The following MACROD2 variants were observed in gnomAD, a reference collection of about 807,000 sequenced individuals.
The protein encoded by MACROD2 is ADP-ribose glycohydrolase MACROD2.
A neutral mutation model predicts 70.4 loss-of-function variants in MACROD2; 36 were observed. That is an observed-to-expected ratio of 0.51 (90% CI 0.39 to 0.68). MACROD2 has a LOEUF of 0.68. Ranked by LOEUF, MACROD2 falls within the 30% of genes least tolerant of loss-of-function variation. MACROD2 has a pLI of 0.00. For missense variants in MACROD2, 496 were observed against 538.4 expected, an observed-to-expected ratio of 0.92 and a Z score of 0.78; for synonymous variants, 172 against 178.8, an observed-to-expected ratio of 0.96 and a Z score of 0.30.
chr20:15,798,981 A>G (rs781746866), intron 8 of MACROD2, among the ~76,000 whole-genome samples: 2 of 152,308 alleles, frequency 1.3e-5, no homozygotes, highest in South Asian at 2.1e-4. Context: ...AACCCGGGGT[A>G]TGTATCATCC....
At chr20:14,055,376 TAC>T (rs1225098943) in intron 2 of MACROD2, among the ~76,000 whole-genome samples, 2 of 152,062 alleles carry the variant, frequency 1.3e-5, no homozygotes, top group Non-Finnish European at 2.9e-5. Context: ...GTAAGCCTGT[TAC>T]AGTCTTTCTC....
intron 8 of MACROD2, among the ~76,000 whole-genome samples, chr20:15,654,746 C>T (rs1291834074): frequency 6.6e-6 from 1 of 152,140 alleles, no homozygotes; most frequent in Non-Finnish European, 1.5e-5. Flanking sequence ...TTTCTCTTGC[C>T]CTTTGGCAGC....
intron 8 of MACROD2, among the ~76,000 whole-genome samples, chr20:15,748,968 A>G (rs1425427852): frequency 6.6e-6 from 1 of 152,126 alleles, no homozygotes; most frequent in Non-Finnish European, 1.5e-5. Flanking sequence ...ACTCATCTAT[A>G]ATATAAGGAA....
chr20:14,061,834 A>G (rs2053694338), intron 2 of MACROD2, among the ~76,000 whole-genome samples: 1 of 152,106 alleles, frequency 6.6e-6, no homozygotes, highest in South Asian at 2.1e-4. Flanking sequence ...ATAGTTTACA[A>G]AAGTCTGTTG....
At chr20:15,438,681 C>A (rs1287993955) in intron 7 of MACROD2, among the ~76,000 whole-genome samples, 1 of 152,142 alleles carries the variant, frequency 6.6e-6, no homozygotes, top group Non-Finnish European at 1.5e-5. Context: ...CATGTTGCTC[C>A]ATAGATTGCT....
chr20:15,704,433 C>A (rs532883206), intron 8 of MACROD2, among the ~76,000 whole-genome samples: 3 of 152,176 alleles, frequency 2.0e-5, no homozygotes, highest in East Asian at 1.9e-4. Flanking sequence ...TGAAAAAAAA[C>A]CCTCCGTTAG....
At chr20:14,533,297 C>T (rs1025075434) in intron 4 of MACROD2, among the ~76,000 whole-genome samples, 2 of 152,184 alleles carry the variant, frequency 1.3e-5, no homozygotes, top group Admixed American at 6.5e-5. Flanking sequence ...GGGAGTTTCT[C>T]CTGTTTTGTA....
intron 5 of MACROD2, among the ~76,000 whole-genome samples, chr20:14,862,535 A>G (rs866941303): frequency 4.3e-5 from 1 of 23,180 alleles, no homozygotes; most frequent in Admixed American, 9.2e-4. Context: ...AAATATATAT[A>G]AATATATAAA....
At chr20:15,954,973 G>T (rs1046014646) in intron 12 of MACROD2, among the ~76,000 whole-genome samples, 3 of 152,140 alleles carry the variant, frequency 2.0e-5, no homozygotes, top group Admixed American at 2.0e-4. Context: ...TAACTAGGTT[G>T]CAGGGCAGCA....
At position 14,843,426 on chromosome 20, in the gene MACROD2, A is replaced by G. The variant is rs1215335382; in HGVS notation, c.418+158467A>G. On this transcript the variant is annotated intron_variant, in intron 5 of 17. Transcript: ENST00000684519. ...ATATCTTGGGATATGCTCAAAATAC[A>G]TTTTACTAAGAGAATGCATACATGT... 5.9e-5 allele frequency among the ~76,000 whole-genome samples: 9 copies of G among 151,934 alleles called. No homozygotes were observed. In the South Asian group the frequency reaches 1.0e-3, roughly 18 times the overall value.
intron 15 of MACROD2, among the ~76,000 whole-genome samples, chr20:16,003,781 C>T (rs1196441019): frequency 6.6e-6 from 1 of 152,172 alleles, no homozygotes; most frequent in African/African-American, 2.4e-5. Flanking sequence ...AGCGATTCTC[C>T]TGCCTCAGCC....
At chr20:14,743,909 A>T (rs1361257241) in intron 5 of MACROD2, among the ~76,000 whole-genome samples, 1 of 152,150 alleles carries the variant, frequency 6.6e-6, no homozygotes, top group Non-Finnish European at 1.5e-5. Flanking sequence ...AGAGGGTGAT[A>T]AGCTGATGGG....
At chr20:14,515,465 G>GCGCACGCA (rs1369248292) in intron 4 of MACROD2, among the ~76,000 whole-genome samples, 2,339 of 127,092 alleles carry the variant, frequency 0.018, 65 homozygotes, top group African/African-American at 0.07. Flanking sequence ...ACACACACAC[G>GCGCACGCA]CACACACACA....
chr20:15,874,991 T>A (rs1250419957), intron 9 of MACROD2, among the ~76,000 whole-genome samples: 1 of 152,084 alleles, frequency 6.6e-6, no homozygotes, highest in African/African-American at 2.4e-5. Flanking sequence ...TGTGGAAGAA[T>A]GTTCAGAGAA....
intron 5 of MACROD2, among the ~76,000 whole-genome samples, chr20:14,961,733 T>C (rs888151307): frequency 9.2e-5 from 14 of 152,184 alleles, no homozygotes; most frequent in African/African-American, 3.1e-4. Flanking sequence ...GGTGTTTAAA[T>C]GATTCTAAGA....
chr20:14,610,285 ACC>A (rs1336906638), intron 4 of MACROD2, among the ~76,000 whole-genome samples: 25 of 152,258 alleles, frequency 1.6e-4, no homozygotes, highest in African/African-American at 5.5e-4. Context: ...TCTAACATTG[ACC>A]TTCTGTAATG....
intron 5 of MACROD2, 25 bp downstream of exon 5, chr20:14,684,984 A>G (rs2070984901): frequency 6.4e-7 from 1 of 1,559,174 alleles, no homozygotes; most frequent in Non-Finnish European, 8.8e-7. Flanking sequence ...ATACTGTTTC[A>G]AAACCAGATG....
intron 12 of MACROD2, among the ~76,000 whole-genome samples, chr20:15,961,086 G>A (rs905731820): frequency 7.9e-5 from 12 of 152,154 alleles, no homozygotes; most frequent in African/African-American, 2.9e-4. Context: ...AAAATAGCAT[G>A]CGGTAGAGCC....
Position 15,363,290 on chromosome 20 carries a change from A to G in MACROD2, c.541-68115A>G, listed in dbSNP as rs189857830. On this transcript the variant is annotated intron_variant, in intron 6 of 17. Transcript: ENST00000684519. Reference sequence around the variant, plus strand: ...GTAGAACCATCCTGTTAAAAAATCTAGGAGTCTCCAATTCAGCAGTCTGTT... The same window carrying G: ...GTAGAACCATCCTGTTAAAAAATCTGGGAGTCTCCAATTCAGCAGTCTGTT... Among the ~76,000 whole-genome samples the G allele has an allele frequency of 2.1e-4, 32 of 152,364 alleles. 1 individual carries two copies. The East Asian group carries it at 4.4e-3, about 21-fold the overall frequency.
Sources: gnomAD v4.1 joint callset for allele counts (sites outside exome capture counted in the v4.1 genomes callset) on GRCh38, gnomAD v4.1.1 for gene constraint, MANE v1.5 for transcripts, NCBI Gene and HGNC (gene_info 2026-07-23, HGNC 2026-07-21) for gene names.